Variants in GAB1 observed in about 807,000 individuals in gnomAD.
The protein encoded by GAB1 is GRB2 associated binding protein 1, also known as GRB2-associated-binding protein 1.
Under a neutral mutation model 66.5 loss-of-function variants are expected in GAB1, and 19 were observed. The observed-to-expected ratio is 0.29, with a 90% CI of 0.20 to 0.42. The LOEUF (loss-of-function observed/expected upper bound fraction) is 0.42. Among genes scored for constraint, GAB1 ranks in the 10% least tolerant of loss-of-function variants. The probability of loss-of-function intolerance (pLI) is 1.00; values close to 1 mark genes in which losing one functional copy is unlikely to be tolerated. For synonymous variants in GAB1, 294 were observed against 301.4 expected (o/e 0.98, Z 0.25); for missense variants, 732 against 858.5 (o/e 0.85, Z 1.84).
intron 1 of GAB1, among the ~76,000 whole-genome samples, chr4:143,347,488 G>A (rs912739233): frequency 2.0e-5 from 3 of 152,228 alleles, no homozygotes; most frequent in African/African-American, 7.2e-5. Context: ...GAGGTGAATT[G>A]ATTAGTCCAA....
At chr4:143,462,340 A>G (rs1488256148) in intron 8 of GAB1, among the ~76,000 whole-genome samples, 3 of 151,996 alleles carry the variant, frequency 2.0e-5, no homozygotes, top group East Asian at 3.9e-4. Flanking sequence ...CCTATTTTCA[A>G]CTTTGGGTAG....
chr4:143,468,847 C>A (rs1735937984), intron 9 of GAB1, among the ~76,000 whole-genome samples, 184 bp from the exon 10 acceptor site: 1 of 151,990 alleles, frequency 6.6e-6, no homozygotes, highest in African/African-American at 2.4e-5. Flanking sequence ...TGCTTGAACC[C>A]AGGAGGCGGA....
intron 2 of GAB1, among the ~76,000 whole-genome samples, 155 bp downstream of exon 2, chr4:143,415,926 T>G (rs1408887397): frequency 6.7e-6 from 1 of 150,042 alleles, no homozygotes; most frequent in Non-Finnish European, 1.5e-5. Flanking sequence ...ATCCTTTAAT[T>G]AGTTTGGGGA....
chr4:143,349,273 C>A, intron 1 of GAB1: 1 of 1,037,236 alleles, frequency 9.6e-7, no homozygotes, highest in Non-Finnish European at 1.4e-6. Flanking sequence ...TGTATAAAAA[C>A]CCTACGTTGT....
chr4:143,398,341 C>T (rs1464595149), intron 1 of GAB1, among the ~76,000 whole-genome samples: 3 of 152,160 alleles, frequency 2.0e-5, no homozygotes, highest in Admixed American at 1.3e-4. Flanking sequence ...ATGGATCTCT[C>T]ATTTGATTTT....
chr4:143,465,514 C>T (rs914103832), intron 8 of GAB1, among the ~76,000 whole-genome samples: 8 of 152,104 alleles, frequency 5.3e-5, no homozygotes, highest in South Asian at 2.1e-4. Context: ...TGCTTATTTA[C>T]GTTTTTCTGC....
intron 1 of GAB1, among the ~76,000 whole-genome samples, chr4:143,392,184 A>T (rs1731218215): frequency 1.3e-5 from 2 of 152,214 alleles, no homozygotes; most frequent in African/African-American, 2.4e-5. Context: ...TTTTAAACAG[A>T]TGGTCCCAAG....
chr4:143,428,196 C>G (rs531975011), intron 2 of GAB1, among the ~76,000 whole-genome samples: 1 of 152,204 alleles, frequency 6.6e-6, no homozygotes, highest in Non-Finnish European at 1.5e-5. Flanking sequence ...TGCCTTTTAA[C>G]TTCCATTATT....
chr4:143,467,718 T>C (rs2149800611), intron 9 of GAB1, among the ~76,000 whole-genome samples: 1 of 152,294 alleles, frequency 6.6e-6, no homozygotes, highest in Middle Eastern at 3.4e-3. Context: ...AACCAGGAGG[T>C]GCTACCATCC....
chr4:143,383,841 G>A (rs1578631972), intron 1 of GAB1, among the ~76,000 whole-genome samples: 1 of 152,298 alleles, frequency 6.6e-6, no homozygotes, highest in East Asian at 1.9e-4. Flanking sequence ...TTTGGGGGCC[G>A]AGGTAGGAGG....
At chr4:143,424,045 C>G (rs1230238881) in intron 2 of GAB1, among the ~76,000 whole-genome samples, 1 of 151,476 alleles carries the variant, frequency 6.6e-6, no homozygotes, top group South Asian at 2.1e-4. Context: ...AATTGCCTGG[C>G]TAGGTGATTT....
chr4:143,378,063 G>T (rs1015191367), intron 1 of GAB1, among the ~76,000 whole-genome samples: 2 of 151,964 alleles, frequency 1.3e-5, no homozygotes, highest in African/African-American at 2.4e-5. Context: ...CCGTACAAGG[G>T]GCAATGATGT....
intron 1 of GAB1, among the ~76,000 whole-genome samples, chr4:143,368,388 T>C (rs1729976468): frequency 6.6e-6 from 1 of 152,204 alleles, no homozygotes; most frequent in South Asian, 2.1e-4. Context: ...TTGGAGTGGA[T>C]GATGCTGGTG....
chr4:143,463,330 T>A (rs1269403337), intron 8 of GAB1, among the ~76,000 whole-genome samples: 1 of 152,062 alleles, frequency 6.6e-6, no homozygotes, highest in Non-Finnish European at 1.5e-5. Context: ...AAGAATTTTT[T>A]AAAAATCTAG....
chr4:143,416,665 C>G (rs1396174432), intron 2 of GAB1, among the ~76,000 whole-genome samples: 1 of 150,664 alleles, frequency 6.6e-6, no homozygotes, highest in African/African-American at 2.4e-5. Context: ...TTCCAGCTAC[C>G]CAGGAGGCTG....
chr4:143,365,730 C>T (rs924866507), intron 1 of GAB1, among the ~76,000 whole-genome samples: 1 of 152,214 alleles, frequency 6.6e-6, no homozygotes, highest in Non-Finnish European at 1.5e-5. Flanking sequence ...CTTAAGGGAG[C>T]TTTCGTGGCT....
chr4:143,447,725 A>G (rs965230946), intron 6 of GAB1, among the ~76,000 whole-genome samples: 25 of 152,290 alleles, frequency 1.6e-4, no homozygotes, highest in Admixed American at 1.4e-3. Flanking sequence ...CAATCATGTC[A>G]TCTGCAAACA....
intron 9 of GAB1, among the ~76,000 whole-genome samples, chr4:143,467,011 C>G (rs959676412): frequency 6.6e-6 from 1 of 152,124 alleles, no homozygotes; most frequent in African/African-American, 2.4e-5. Flanking sequence ...TCAGACCTTC[C>G]TTCTGCAATA....
chr4:143,363,600 G>A (rs1233387369), intron 1 of GAB1, among the ~76,000 whole-genome samples: 5 of 152,152 alleles, frequency 3.3e-5, no homozygotes, highest in Non-Finnish European at 7.3e-5. Context: ...TGGAGTGGAT[G>A]GCCAAGCGGG....
Sources: allele counts gnomAD v4.1 joint callset (sites outside exome capture counted in the v4.1 genomes callset), GRCh38; gene constraint gnomAD v4.1.1; transcripts MANE v1.5; gene names NCBI Gene and HGNC (gene_info 2026-07-23, HGNC 2026-07-21).